The following BBX variants were observed in gnomAD, a reference collection of about 807,000 sequenced individuals.
BBX encodes the protein HMG box transcription factor BBX.
Under a neutral mutation model 100.2 loss-of-function variants are expected in BBX, and 30 were observed. The observed-to-expected ratio is 0.30, with a 90% CI of 0.22 to 0.41. The LOEUF (loss-of-function observed/expected upper bound fraction) is 0.41. Ranked by LOEUF, BBX falls within the 10% of genes least tolerant of loss-of-function variation. BBX has a pLI of 1.00. For missense variants in BBX, 1,023 were observed against 1,129.8 expected, an observed-to-expected ratio of 0.91 and a Z score of 1.35; for synonymous variants, 376 against 388.1, an observed-to-expected ratio of 0.97 and a Z score of 0.37.
intron 2 of BBX, among the ~76,000 whole-genome samples, chr3:107,591,808 T>G (rs1338541324): frequency 1.3e-5 from 2 of 152,148 alleles, no homozygotes; most frequent in Non-Finnish European, 2.9e-5. Flanking sequence ...TACTAAACAC[T>G]TTTAAAAGAA....
intron 2 of BBX, among the ~76,000 whole-genome samples, chr3:107,575,786 A>T (rs1396688521): frequency 6.6e-6 from 1 of 152,228 alleles, no homozygotes; most frequent in Non-Finnish European, 1.5e-5. Flanking sequence ...TTTAGTAAAT[A>T]GCAAGTTTTC....
intron 3 of BBX, among the ~76,000 whole-genome samples, chr3:107,665,585 T>G (rs536953625): frequency 5.4e-4 from 82 of 152,268 alleles, no homozygotes; most frequent in African/African-American, 1.9e-3. Flanking sequence ...ATTGAACTTC[T>G]CTTCCTCTCT....
chr3:107,794,109 T>C (rs2069345736), intron 15 of BBX, among the ~76,000 whole-genome samples: 1 of 152,184 alleles, frequency 6.6e-6, no homozygotes, highest in African/African-American at 2.4e-5. Flanking sequence ...TGCCATATGC[T>C]CATGCTTTAA....
chr3:107,657,754 T>C (rs1431791976), intron 3 of BBX, among the ~76,000 whole-genome samples: 2 of 152,078 alleles, frequency 1.3e-5, no homozygotes, highest in African/African-American at 2.4e-5. Flanking sequence ...ATTTAGGATG[T>C]AGTTATAAAT....
At chr3:107,768,100 C>T (rs1190868784) in intron 10 of BBX, among the ~76,000 whole-genome samples, 4 of 152,174 alleles carry the variant, frequency 2.6e-5, no homozygotes, top group East Asian at 3.9e-4. Flanking sequence ...CCCTGTGTTG[C>T]GTCACCGCCT....
At chr3:107,661,024 A>C (rs1394864080) in intron 3 of BBX, among the ~76,000 whole-genome samples, 1 of 152,196 alleles carries the variant, frequency 6.6e-6, no homozygotes, top group African/African-American at 2.4e-5. Flanking sequence ...TTAAGACTGA[A>C]ATTACAAAGT....
chr3:107,605,602 A>ACCAC (rs2054374795), intron 2 of BBX, among the ~76,000 whole-genome samples: 1 of 152,106 alleles, frequency 6.6e-6, no homozygotes, highest in Non-Finnish European at 1.5e-5. Context: ...TCCTTCTCCT[A>ACCAC]CCACCCTCTC....
At chr3:107,595,136 C>T (rs1408459150) in intron 2 of BBX, among the ~76,000 whole-genome samples, 1 of 152,232 alleles carries the variant, frequency 6.6e-6, no homozygotes, top group East Asian at 1.9e-4. Context: ...GACCATCCAT[C>T]TGGAGGCTTG....
At chr3:107,771,127 G>T (rs1354220813) in intron 10 of BBX, among the ~76,000 whole-genome samples, 5 of 152,046 alleles carry the variant, frequency 3.3e-5, no homozygotes, top group African/African-American at 1.2e-4. Flanking sequence ...TGCTGCCCTT[G>T]ACCAAATCGG....
intron 15 of BBX, among the ~76,000 whole-genome samples, chr3:107,796,254 T>C (rs1453532208): frequency 3.9e-5 from 6 of 152,252 alleles, no homozygotes; most frequent in African/African-American, 1.2e-4. Flanking sequence ...CCCAACCGAC[T>C]TGGCCTTTTT....
intron 10 of BBX, among the ~76,000 whole-genome samples, chr3:107,755,889 A>G (rs752121180): frequency 1.3e-5 from 2 of 152,300 alleles, no homozygotes; most frequent in East Asian, 3.9e-4. Flanking sequence ...ACCTAGAGAT[A>G]TTGCAAAATT....
chr3:107,688,414 G>A (rs139134599), intron 3 of BBX, among the ~76,000 whole-genome samples: 93 of 152,360 alleles, frequency 6.1e-4, no homozygotes, highest in Non-Finnish European at 7.9e-4. Flanking sequence ...GCAGTGGCAG[G>A]AAGCTCTTGG....
intron 3 of BBX, among the ~76,000 whole-genome samples, chr3:107,671,089 T>G (rs2058999208): frequency 6.7e-6 from 1 of 148,264 alleles, no homozygotes; most frequent in Non-Finnish European, 1.5e-5. Context: ...TTTTTTGGAG[T>G]ATTCTGATTT....
rs71113691 is a variant in BBX at position 107,797,364 on chromosome 3, A to ATATATATG, written c.2354-1159_2354-1158insTATATATG. ...TATATATATATATATATATATATATAGCTTTATTGCCAATATCTACCTTCA... is the reference window on the plus strand; with the variant it reads ...TATATATATATATATATATATATATATATATATGGCTTTATTGCCAATATCTACCTTCA... On this transcript the variant is annotated intron_variant, in intron 15 of 17. Coordinates refer to ENST00000325805, the MANE Select transcript of BBX (RefSeq NM_001142568.3). Among the ~76,000 whole-genome samples the ATATATATG allele has an allele frequency of 1.0e-3, 110 of 109,838 alleles. 6 individuals carry two copies. Among genetic ancestry groups the ATATATATG allele is most frequent in the Admixed American group, 1.7e-3 (17 of 9,846 alleles). The allele number at this position is 109,838 out of a possible 152,430, so 72.1% of individuals were successfully genotyped here.
At chr3:107,692,528 C>A (rs2060252409) in intron 3 of BBX, among the ~76,000 whole-genome samples, 1 of 152,210 alleles carries the variant, frequency 6.6e-6, no homozygotes, top group African/African-American at 2.4e-5. Flanking sequence ...ATGAACTCAT[C>A]ATTTTTTATG....
At position 107,694,607 on chromosome 3, in the gene BBX, T is replaced by C. The variant is rs867819008; in HGVS notation, c.-9-15845T>C. ...CTGGATTCAGTTTGCCAGTATTTTATTGAGGATTTTTGCATCAATGTTCAT... is the reference window on the plus strand; with the variant it reads ...CTGGATTCAGTTTGCCAGTATTTTACTGAGGATTTTTGCATCAATGTTCAT... On this transcript the variant is annotated intron_variant, in intron 3 of 17. Coordinates refer to ENST00000325805, the MANE Select transcript of BBX (RefSeq NM_001142568.3). Among the ~76,000 whole-genome samples the C allele has an allele frequency of 4.6e-3, 690 of 148,712 alleles. 6 individuals carry two copies. Among genetic ancestry groups the C allele is most frequent in the African/African-American group, 0.016 (639 of 39,986 alleles).
intron 6 of BBX, among the ~76,000 whole-genome samples, chr3:107,729,259 A>T (rs1021355442): frequency 6.6e-6 from 1 of 152,170 alleles, no homozygotes; most frequent in Admixed American, 6.6e-5. Context: ...TTTTATGTTC[A>T]CAAAATAGCT....
At chr3:107,537,989 G>C (rs959384399) in intron 2 of BBX, among the ~76,000 whole-genome samples, 1 of 152,182 alleles carries the variant, frequency 6.6e-6, no homozygotes, top group Non-Finnish European at 1.5e-5. Context: ...CAGACACATG[G>C]AATAGTAACT....
chr3:107,640,041 A>G (rs1227913538), intron 2 of BBX, among the ~76,000 whole-genome samples: 1 of 152,218 alleles, frequency 6.6e-6, no homozygotes, highest in Non-Finnish European at 1.5e-5. Context: ...CTTATTGTAT[A>G]GCAAATGCTT....
Sources: allele counts gnomAD v4.1 joint callset (sites outside exome capture counted in the v4.1 genomes callset), GRCh38; gene constraint gnomAD v4.1.1; transcripts MANE v1.5; gene names NCBI Gene and HGNC (gene_info 2026-07-23, HGNC 2026-07-21).